ZSCAN21: variants seen among roughly 807,000 people sequenced by gnomAD.
The protein encoded by ZSCAN21 is zinc finger and SCAN domain containing 21.
Under a neutral mutation model 35.6 loss-of-function variants are expected in ZSCAN21, and 26 were observed. That is an observed-to-expected ratio of 0.73 (90% CI 0.54 to 1.01). ZSCAN21 has a LOEUF of 1.01. Among genes scored for constraint, ZSCAN21 ranks in the 50% least tolerant of loss-of-function variants. ZSCAN21 has a pLI of 0.00. For missense variants in ZSCAN21, 593 were observed against 587.1 expected, an observed-to-expected ratio of 1.01 and a Z score of -0.10; for synonymous variants, 219 against 219.3, an observed-to-expected ratio of 1.00 and a Z score of 0.01.
intron 1 of ZSCAN21, among the ~76,000 whole-genome samples, chr7:100,054,470 G>A (rs1194620213): frequency 2.6e-5 from 4 of 151,612 alleles, no homozygotes; most frequent in African/African-American, 4.8e-5. Context: ...GGTTGGTCTC[G>A]AACTCCTGAC....
At chr7:100,059,949 C>G (rs905393907) in intron 3 of ZSCAN21, among the ~76,000 whole-genome samples, 3 of 151,868 alleles carry the variant, frequency 2.0e-5, no homozygotes, top group East Asian at 3.9e-4. Context: ...ACCTCATGAT[C>G]CGCCCTCCTC....
At position 100,057,122 on chromosome 7, in the gene ZSCAN21, C is replaced by T; in HGVS notation, c.116C>T (p.Pro39Leu). The change falls in exon 2 of 4, where the codon CCT becomes CTT. Residue 39 changes from proline to leucine, a missense_variant. Physicochemically the swap from Pro to Leu is moderately conservative, Grantham distance 98. Coordinates refer to ENST00000292450, the MANE Select transcript of ZSCAN21 (RefSeq NM_145914.3). ...AAAGAAGAGAAAGGCAAGTACCTTC[C>T]TAGCCTGGAGATGTTCCGCCAGCGC... ...EEKEEKGKYL[P>L]SLEMFRQRFR... The T allele has an allele frequency of 6.2e-7, 1 of 1,614,106 alleles. No homozygotes were observed. The highest frequency in any genetic ancestry group is 8.5e-7 in the Non-Finnish European group (1 of 1,180,014).
In ZSCAN21 at chr7:100,064,833, G is replaced by A. The variant is rs769799874; in HGVS notation, c.*216G>A. 6.2e-7 allele frequency: 1 copy of A among 1,614,170 alleles called. No individual in the cohort carries two copies. Among genetic ancestry groups the A allele is most frequent in the Admixed American group, 1.7e-5 (1 of 60,004 alleles). ...CCACACTCGCCAGTTCACTGGAGCA[G>A]AGTCCCTTCGCCACACTTAGGGTCC... On this transcript the variant is annotated 3_prime_UTR_variant, in exon 4 of 4. Coordinates refer to ENST00000292450, the MANE Select transcript of ZSCAN21 (RefSeq NM_145914.3).
chr7:100,064,368 C>G lies in ZSCAN21; in HGVS notation c.1173C>G (p.Asn391Lys). The change falls in exon 4 of 4, where the codon AAC (asparagine) becomes AAG (lysine). Residue 391 changes from asparagine (N) to lysine (K), a missense_variant. Physicochemically the swap from Asn to Lys is moderately conservative, Grantham distance 94. Transcript: ENST00000292450. Reference protein sequence around the residue: ...IHTGEKPYQCNECGKSFSQHA... With the variant: ...IHTGEKPYQCKECGKSFSQHA... Reference sequence around the variant, plus strand: ...CTGGGGAGAAGCCTTATCAGTGTAACGAATGTGGGAAGAGCTTCAGTCAGC... The same window carrying G: ...CTGGGGAGAAGCCTTATCAGTGTAAGGAATGTGGGAAGAGCTTCAGTCAGC... 6.2e-7 allele frequency: 1 copy of G among 1,614,030 alleles called. No individual in the cohort carries two copies. Among genetic ancestry groups the G allele is most frequent in the East Asian group, 2.2e-5 (1 of 44,888 alleles).
At chr7:100,053,783 A>G (rs182076665) in intron 1 of ZSCAN21, among the ~76,000 whole-genome samples, 5 of 152,028 alleles carry the variant, frequency 3.3e-5, no homozygotes, top group East Asian at 1.9e-4. Context: ...TAGGTTTAAC[A>G]TGTGGCCCTA....
intron 1 of ZSCAN21, among the ~76,000 whole-genome samples, chr7:100,054,855 A>AG (rs1458973199): frequency 6.6e-6 from 1 of 151,476 alleles, no homozygotes; most frequent in Non-Finnish European, 1.5e-5. Flanking sequence ...AAAAAAAAAA[A>AG]AAAAGACTAA....
chr7:100,060,039 C>T (rs1792226336), intron 3 of ZSCAN21, among the ~76,000 whole-genome samples: 1 of 152,090 alleles, frequency 6.6e-6, no homozygotes, highest in African/African-American at 2.4e-5. Context: ...CAAACAGGCA[C>T]CTTTGACAGA....
At chr7:100,050,337 A>G (rs1207401889) in intron 1 of ZSCAN21, among the ~76,000 whole-genome samples, 1 of 152,196 alleles carries the variant, frequency 6.6e-6, no homozygotes, top group African/African-American at 2.4e-5. Context: ...TAGAACACAC[A>G]CACAGAATAG....
chr7:100,064,535 A>G lies in ZSCAN21; in HGVS notation c.1340A>G (p.His447Arg), dbSNP rs757015533. 1.2e-6 allele frequency: 2 copies of G among 1,614,212 alleles called. No individual in the cohort carries two copies. The highest frequency in any genetic ancestry group is 8.5e-7 in the Non-Finnish European group (1 of 1,180,042). Residue 447 changes from histidine (H) to arginine (R), a missense_variant, in exon 4 of 4, where the codon CAT becomes CGT. Coordinates refer to ENST00000292450, the MANE Select transcript of ZSCAN21 (RefSeq NM_145914.3). Reference sequence around the variant, plus strand: ...ACCGGGGAAAAGCCCTACTGGTGTCATCACTGTGGAAAGACCTTCTGTAGC... The same window carrying G: ...ACCGGGGAAAAGCCCTACTGGTGTCGTCACTGTGGAAAGACCTTCTGTAGC... ...IHTGEKPYWC[H>R]HCGKTFCSKS...
chr7:100,064,554 C>A lies in ZSCAN21; in HGVS notation c.1359C>A (p.Phe453Leu), dbSNP rs376525199. 1.2e-6 allele frequency: 2 copies of A among 1,614,108 alleles called. No homozygotes were observed. The highest frequency in any genetic ancestry group is 1.3e-5 in the African/African-American group (1 of 74,928). The part of the protein sequence containing the change: ...PYWCHHCGKT[F>L]CSKSNLSKHQ... ...GGTGTCATCACTGTGGAAAGACCTT[C>A]TGTAGCAAGTCCAATCTTTCCAAAC... is the stretch of plus-strand genomic sequence containing the variant. Residue 453 changes from phenylalanine (F) to leucine (L), a missense_variant, in exon 4 of 4, where the codon TTC becomes TTA. Transcript: ENST00000292450.
rs764033094 is a variant in ZSCAN21, at chr7:100,064,600, G to T, written c.1405G>T (p.Glu469Ter). ...LSKHQRVHTG[E>*]GEAP Reference sequence around the variant, plus strand: ...CAAACATCAGCGAGTCCACACTGGAGAGGGAGAAGCACCGTAACTTTCAAG... The same window carrying T: ...CAAACATCAGCGAGTCCACACTGGATAGGGAGAAGCACCGTAACTTTCAAG... The change falls in exon 4 of 4, where the codon GAG becomes TAG. Residue 469 changes from glutamate to a stop codon, truncating the protein, a stop_gained. Coordinates refer to ENST00000292450, the MANE Select transcript of ZSCAN21 (RefSeq NM_145914.3). LOFTEE classifies it high-confidence loss of function. 6.2e-7 allele frequency: 1 copy of T among 1,613,870 alleles called. No homozygotes were observed. The highest frequency in any genetic ancestry group is 8.5e-7 in the Non-Finnish European group (1 of 1,179,876).
chr7:100,053,282 C>T (rs1218983728), intron 1 of ZSCAN21, among the ~76,000 whole-genome samples: 1 of 151,966 alleles, frequency 6.6e-6, no homozygotes, highest in African/African-American at 2.4e-5. Flanking sequence ...AATTTGGATT[C>T]ACCAAGTTCT....
chr7:100,051,126 C>T (rs1364155290), intron 1 of ZSCAN21, among the ~76,000 whole-genome samples: 1 of 126,306 alleles, frequency 7.9e-6, no homozygotes, highest in Non-Finnish European at 1.6e-5. Context: ...TGCGGTGAGC[C>T]GAGATCGCGC....
Position 100,064,125 on chromosome 7 carries a change from T to C in ZSCAN21, c.930T>C (p.Cys310=). ...AGAAACCTTACGTGTGCACCAAGTG[T>C]GGGAAAGCTTTCAGCCACAGCTCAA... is the stretch of plus-strand genomic sequence containing the variant. ...TGEKPYVCTK[C]GKAFSHSSNL... Residue 310 remains cysteine, a synonymous_variant, in exon 4 of 4, where the codon TGT becomes TGC. Coordinates refer to ENST00000292450, the MANE Select transcript of ZSCAN21 (RefSeq NM_145914.3). 1 of 1,614,054 alleles carries C rather than the reference T, an allele frequency of 6.2e-7. No individual in the cohort carries two copies. The highest frequency in any genetic ancestry group is 8.5e-7 in the Non-Finnish European group (1 of 1,180,020).
chr7:100,064,832 A>G lies in ZSCAN21; in HGVS notation c.*215A>G. ...TCCACACTCGCCAGTTCACTGGAGCAGAGTCCCTTCGCCACACTTAGGGTC... is the reference window on the plus strand; with the variant it reads ...TCCACACTCGCCAGTTCACTGGAGCGGAGTCCCTTCGCCACACTTAGGGTC... On this transcript the variant is annotated 3_prime_UTR_variant, in exon 4 of 4. Coordinates refer to ENST00000292450, the MANE Select transcript of ZSCAN21 (RefSeq NM_145914.3). 2.5e-6 allele frequency: 4 copies of G among 1,614,214 alleles called. No homozygotes were observed. The East Asian group carries it at 6.7e-5, about 27-fold the overall frequency.
At chr7:100,056,309 A>C (rs1792073596) in intron 1 of ZSCAN21, among the ~76,000 whole-genome samples, 1 of 152,188 alleles carries the variant, frequency 6.6e-6, no homozygotes, top group Admixed American at 6.5e-5. Flanking sequence ...TAGCCAGTAG[A>C]TAGCTTGATA....
intron 3 of ZSCAN21, among the ~76,000 whole-genome samples, chr7:100,059,579 A>C (rs980003035): frequency 2.5e-4 from 29 of 115,086 alleles, no homozygotes; most frequent in South Asian, 6.0e-4. Flanking sequence ...TTTGAGACGG[A>C]GTCTCCCTCT....
rs1216593234 is a variant in ZSCAN21 at position 100,057,999 on chromosome 7, T to A, written c.592+109T>A. 4 of 1,053,572 alleles carry A rather than the reference T, an allele frequency of 3.8e-6. No homozygotes were observed. The Admixed American group carries it at 1.4e-4, about 36-fold the overall frequency. 65.3% of individuals were successfully genotyped at this position (1,053,572 alleles called of 1,614,324 possible). A position where few individuals can be genotyped will look rare whatever the true frequency, so the allele number is the denominator to read the frequency against. ...GAGGTGATTTCATAGATTGACTTGA[T>A]TAGTTGGGCTGACTGGGTGGAAATA... On this transcript the variant is annotated intron_variant, in intron 3 of 3. Transcript: ENST00000292450.
chr7:100,057,172 A>G lies in ZSCAN21; in HGVS notation c.166A>G (p.Thr56Ala). Residue 56 changes from threonine to alanine, a missense_variant, in exon 2 of 4, where the codon ACC becomes GCC. Physicochemically the swap from Thr to Ala is moderately conservative, Grantham distance 58 (BLOSUM62 0). Coordinates refer to ENST00000292450, the MANE Select transcript of ZSCAN21 (RefSeq NM_145914.3). ...QRFRQFGYHD[T>A]PGPREALSQL... ...CTTCAGGCAGTTTGGGTACCATGAT[A>G]CCCCTGGACCCCGAGAGGCCCTGAG... is the stretch of plus-strand genomic sequence containing the variant. 6.2e-6 allele frequency: 10 copies of G among 1,613,412 alleles called. No homozygotes were observed. The highest frequency in any genetic ancestry group is 8.5e-6 in the Non-Finnish European group (10 of 1,179,906).
Sources: allele counts gnomAD v4.1 joint callset (sites outside exome capture counted in the v4.1 genomes callset), GRCh38; gene constraint gnomAD v4.1.1; transcripts MANE v1.5; gene names NCBI Gene and HGNC (gene_info 2026-07-23, HGNC 2026-07-21).